PXDN: variants seen among roughly 807,000 people sequenced by gnomAD.
PXDN encodes peroxidasin.
A neutral mutation model predicts 140.3 loss-of-function variants in PXDN; 77 were observed. The ratio of observed to expected loss-of-function variants is 0.55; its 90% CI spans 0.46 to 0.66. The LOEUF is 0.66. PXDN is among the 30% of genes least tolerant of loss of function. The pLI is 0.00. For synonymous variants in PXDN, 911 were observed against 857.4 expected (o/e 1.06, Z -1.09); for missense variants, 1,838 against 2,039.5 (o/e 0.90, Z 1.90).
chr2:1,744,447 C>T lies in PXDN; in HGVS notation c.9G>A (p.Lys3=), dbSNP rs1368914757. MA[K]RSRGPGRRCL... ...AGCGGCGCCCGGGGCCCCTGGAGCG[C>T]TTGGCCATGGCCGACGGCGCGGACG... is the stretch of plus-strand genomic sequence containing the variant. Residue 3 remains lysine (K), a synonymous_variant, in exon 1 of 23, where the codon AAG becomes AAA. Transcript: ENST00000252804. 3 of 1,488,836 alleles carry T rather than the reference C, an allele frequency of 2.0e-6. No homozygotes were observed. The highest frequency in any genetic ancestry group is 2.8e-5 in the East Asian group (1 of 35,390). 92.2% of individuals were successfully genotyped at this position (1,488,836 alleles called of 1,614,324 possible).
At chr2:1,684,428 G>A (rs1367081573) in intron 4 of PXDN, among the ~76,000 whole-genome samples, 2 of 152,206 alleles carry the variant, frequency 1.3e-5, no homozygotes, top group African/African-American at 4.8e-5. Context: ...GAGAAGGGCA[G>A]TGCTGGCCTG....
At chr2:1,662,001 TG>T (rs1683315933) in intron 13 of PXDN, 70 bp downstream of exon 13, 3 of 1,346,626 alleles carry the variant, frequency 2.2e-6, no homozygotes, top group Admixed American at 4.0e-5. Context: ...CTCCAGGTAG[TG>T]GGTGGTGTGG....
At chr2:1,703,465 A>G (rs138760240) in intron 1 of PXDN, among the ~76,000 whole-genome samples, 24 of 16,814 alleles carry the variant, frequency 1.4e-3, no homozygotes, top group African/African-American at 5.8e-3. Context: ...TGAAGGAGAG[A>G]CAACTCCAGG....
At chr2:1,638,724 G>T in intron 21 of PXDN, 122 bp downstream of exon 21, 1 of 1,454,760 alleles carries the variant, frequency 6.9e-7, no homozygotes, top group Non-Finnish European at 9.5e-7. Flanking sequence ...TCCAGGGTCT[G>T]GGTCCTGTGT....
At position 1,699,790 on chromosome 2, in the gene PXDN, C is replaced by T. The variant is rs74864432; in HGVS notation, c.201-6656G>A. Among the ~76,000 whole-genome samples the T allele has an allele frequency of 6.8e-4, 104 of 152,206 alleles. 3 individuals carry two copies. In the East Asian group the frequency reaches 0.016, roughly 23 times the overall value. On this transcript the variant is annotated intron_variant, in intron 1 of 22. Coordinates refer to ENST00000252804, the MANE Select transcript of PXDN (RefSeq NM_012293.3). ...ACAAATTCAAAGTTATACACTATAT[C>T]GTTCGGTTCGAGAACGAAAATTATC...
intron 14 of PXDN, among the ~76,000 whole-genome samples, chr2:1,657,742 G>GC (rs1188259871): frequency 1.6e-5 from 2 of 126,542 alleles, no homozygotes; most frequent in Admixed American, 1.8e-4. Context: ...ACAGGGACGG[G>GC]CCCCCTCCTG....
At chr2:1,721,653 A>G (rs907299092) in intron 1 of PXDN, among the ~76,000 whole-genome samples, 17 of 152,128 alleles carry the variant, frequency 1.1e-4, no homozygotes, top group East Asian at 1.9e-4. Flanking sequence ...TGGCTAACAC[A>G]GTGAAACCCC....
intron 11 of PXDN, chr2:1,664,394 C>T (rs188713754): frequency 2.1e-4 from 33 of 157,480 alleles, no homozygotes; most frequent in Admixed American, 9.8e-4. Flanking sequence ...CCTGCCCTCA[C>T]CCCAACCCCC....
intron 19 of PXDN, among the ~76,000 whole-genome samples, chr2:1,642,554 G>A (rs1006713528): frequency 1.2e-4 from 18 of 152,182 alleles, no homozygotes; most frequent in African/African-American, 4.3e-4. Flanking sequence ...CATTGTGGTG[G>A]GCCCTGCTTC....
chr2:1,658,638 G>C (rs1467181406), intron 14 of PXDN, among the ~76,000 whole-genome samples: 2 of 151,860 alleles, frequency 1.3e-5, no homozygotes, highest in Non-Finnish European at 2.9e-5. Context: ...ACTGGCTCAC[G>C]GTGCTCCTCT....
At chr2:1,675,429 C>T (rs1303960756) in intron 8 of PXDN, among the ~76,000 whole-genome samples, 1 of 152,196 alleles carries the variant, frequency 6.6e-6, no homozygotes, top group Non-Finnish European at 1.5e-5. Flanking sequence ...TAAATGCACA[C>T]AACATAATAC....
At chr2:1,710,704 C>T (rs1270326070) in intron 1 of PXDN, among the ~76,000 whole-genome samples, 1 of 138,292 alleles carries the variant, frequency 7.2e-6, no homozygotes, top group Non-Finnish European at 1.6e-5. Context: ...CACCCACTCT[C>T]CACCAGCACC....
intron 1 of PXDN, 131 bp from the exon 2 acceptor site, chr2:1,693,265 T>G (rs1027897192): frequency 3.0e-6 from 2 of 673,338 alleles, no homozygotes; most frequent in Non-Finnish European, 4.9e-6. Flanking sequence ...ACTCCTTCAA[T>G]GAATCTTCTT....
At chr2:1,729,380 A>G (rs1002090341) in intron 1 of PXDN, among the ~76,000 whole-genome samples, 2 of 152,112 alleles carry the variant, frequency 1.3e-5, no homozygotes, top group African/African-American at 2.4e-5. Flanking sequence ...AGGCTCCCCA[A>G]CGAAGGTGCA....
At chr2:1,711,631 C>CACTCTCCACCA (rs1558521714) in intron 1 of PXDN, among the ~76,000 whole-genome samples, 2 of 116,018 alleles carry the variant, frequency 1.7e-5, no homozygotes. Flanking sequence ...CACCAGCACC[C>CACTCTCCACCA]GCTCCACCAG....
At chr2:1,689,139 G>A (rs374258566) in intron 3 of PXDN, among the ~76,000 whole-genome samples, 11 of 152,096 alleles carry the variant, frequency 7.2e-5, no homozygotes, top group African/African-American at 2.4e-4. Flanking sequence ...GAACTTCCAC[G>A]TAATGACTGG....
intron 10 of PXDN, among the ~76,000 whole-genome samples, chr2:1,665,478 C>T (rs1008045222): frequency 5.3e-5 from 8 of 152,202 alleles, no homozygotes; most frequent in Admixed American, 2.0e-4. Context: ...GTTATTATCA[C>T]TGGATGAAAA....
rs77098537 is a variant in PXDN at position 1,724,077 on chromosome 2, G to A, written c.200+20179C>T. 0.019 allele frequency among the ~76,000 whole-genome samples: 2,841 copies of A among 152,304 alleles called. 260 individuals are homozygous for A. The East Asian group carries it at 0.3, about 16-fold the overall frequency. ...TGACAAGGACTTCAGATAAACTGCA[G>A]CCTTTGTTTTCCACTGCTGAAACAC... is the stretch of plus-strand genomic sequence containing the variant. On this transcript the variant is annotated intron_variant, in intron 1 of 22. Transcript: ENST00000252804.
In PXDN at chr2:1,632,178, A is replaced by G. The variant is rs1412356781; in HGVS notation, c.*2026T>C. Reference sequence around the variant, plus strand: ...TACAGAATTTTTTTTGGTAAATCACAGTCAGCTTCCCCCTTTGGCTTAGAC... The same window carrying G: ...TACAGAATTTTTTTTGGTAAATCACGGTCAGCTTCCCCCTTTGGCTTAGAC... On this transcript the variant is annotated 3_prime_UTR_variant, in exon 23 of 23. Coordinates refer to ENST00000252804, the MANE Select transcript of PXDN (RefSeq NM_012293.3). The surrounding 1 kb of genome is among the most constrained non-coding windows in gnomAD (Gnocchi z 4.3). 2 of 152,216 alleles carry G rather than the reference A, an allele frequency of 1.3e-5. No individual in the cohort carries two copies. Among genetic ancestry groups the G allele is most frequent in the African/African-American group, 2.4e-5 (1 of 41,448 alleles). 9.4% of individuals were successfully genotyped at this position (152,216 alleles called of 1,614,324 possible).
Sources: gnomAD v4.1 joint callset for allele counts (sites outside exome capture counted in the v4.1 genomes callset) on GRCh38, gnomAD v4.1.1 for gene constraint, Gnocchi (gnomAD v3.1) non-coding constraint, MANE v1.5 for transcripts, NCBI Gene and HGNC (gene_info 2026-07-23, HGNC 2026-07-21) for gene names.